Variants in GHR observed in about 807,000 individuals in gnomAD.
GHR encodes GH receptor.
In GHR, 35 loss-of-function variants were observed where a neutral mutation model predicts 67.1. That is an observed-to-expected ratio of 0.52 (90% CI 0.40 to 0.69). GHR has a LOEUF of 0.69. Among genes scored for constraint, GHR ranks in the 30% least tolerant of loss-of-function variants. The pLI is 0.00. For missense variants in GHR, 792 were observed against 764.6 expected (o/e 1.04, Z -0.42); for synonymous variants, 272 against 269.1 (o/e 1.01, Z -0.10).
chr5:42,627,837 A>AAAGGGTCTGCTAT (rs1258790924), intron 2 of GHR, among the ~76,000 whole-genome samples: 10 of 152,232 alleles, frequency 6.6e-5, no homozygotes, highest in African/African-American at 2.4e-4. Flanking sequence ...GCCTTATAGC[A>AAAGGGTCTGCTAT]AAGGCAGAGG....
intron 3 of GHR, chr5:42,646,192 AG>A: frequency 3.8e-6 from 1 of 264,764 alleles, no homozygotes; most frequent in Middle Eastern, 4.3e-4. Context: ...AGCAAGAGAG[AG>A]GTACACTGAA....
chr5:42,575,731 T>TAA (rs34968925), intron 2 of GHR, among the ~76,000 whole-genome samples: 2 of 139,362 alleles, frequency 1.4e-5, no homozygotes, highest in African/African-American at 5.3e-5. Flanking sequence ...AGCCTGCATG[T>TAA]AAAAAAAAAA....
At chr5:42,637,220 T>C (rs1754240414) in intron 3 of GHR, among the ~76,000 whole-genome samples, 1 of 152,060 alleles carries the variant, frequency 6.6e-6, no homozygotes, top group Admixed American at 6.5e-5. Flanking sequence ...AGAGCATAGG[T>C]CCACAAACCT....
chr5:42,462,711 T>TGA (rs1359327982), intron 1 of GHR, among the ~76,000 whole-genome samples: 1 of 152,032 alleles, frequency 6.6e-6, no homozygotes, highest in Non-Finnish European at 1.5e-5. Flanking sequence ...TGCTTTTGTG[T>TGA]GTGTGTGTGG....
chr5:42,711,374 T>C lies in GHR; in HGVS notation c.784+2T>C, dbSNP rs1284939419. ...TGAGCCAATTTACATGTGAAGAAGG[T>C]AAAAGAAATAAAAGATTAAAATAGT... On this transcript the variant is annotated splice_donor_variant, in intron 7 of 9. Transcript: ENST00000230882. LOFTEE classifies it high-confidence loss of function. 11 of 1,596,810 alleles carry C rather than the reference T, an allele frequency of 6.9e-6. No individual in the cohort carries two copies. The highest frequency in any genetic ancestry group is 9.4e-6 in the Non-Finnish European group (11 of 1,164,308).
At position 42,689,114 on chromosome 5, in the gene GHR, T is replaced by G. The variant is rs1159263272; in HGVS notation, c.266+95T>G. On this transcript the variant is annotated intron_variant, in intron 4 of 9. Transcript: ENST00000230882. ...TACTGTGGGAATGGAAGTGATTTGT[T>G]GTGATTTATGCAATCAATGAATATT... The G allele has an allele frequency of 4.7e-6, 5 of 1,070,798 alleles. No individual in the cohort carries two copies. In the South Asian group the frequency reaches 6.3e-5, roughly 13 times the overall value. The allele number at this position is 1,070,798 out of a possible 1,614,324, so 66.3% of individuals were successfully genotyped here. A position where few individuals can be genotyped will look rare whatever the true frequency, so the allele number is the denominator to read the frequency against.
At chr5:42,545,930 G>A (rs1377946165) in intron 1 of GHR, among the ~76,000 whole-genome samples, 1 of 152,134 alleles carries the variant, frequency 6.6e-6, no homozygotes, top group Non-Finnish European at 1.5e-5. Flanking sequence ...ACAAAGATGT[G>A]CATTTATGTG....
chr5:42,579,161 TA>T (rs1177705473), intron 2 of GHR, among the ~76,000 whole-genome samples: 2 of 116,534 alleles, frequency 1.7e-5, no homozygotes, highest in African/African-American at 3.3e-5. Context: ...TATAGATAGA[TA>T]GATAGATAGA....
chr5:42,586,726 C>A (rs11954102), intron 2 of GHR, among the ~76,000 whole-genome samples: 13,279 of 152,192 alleles, frequency 0.087, 845 homozygotes, highest in African/African-American at 0.17. Flanking sequence ...GCTCTTCCCC[C>A]ACCCTCACCA....
At chr5:42,573,298 T>G (rs1750439077) in intron 2 of GHR, among the ~76,000 whole-genome samples, 2 of 152,192 alleles carry the variant, frequency 1.3e-5, no homozygotes, top group South Asian at 4.1e-4. Context: ...GAAATAGCTG[T>G]GCCACTTTAG....
intron 2 of GHR, among the ~76,000 whole-genome samples, chr5:42,574,655 A>G (rs1388416851): frequency 6.6e-6 from 1 of 152,224 alleles, no homozygotes; most frequent in African/African-American, 2.4e-5. Flanking sequence ...TGCTAAAAAT[A>G]TATGTTCTTG....
At chr5:42,554,425 G>A (rs1749201534) in intron 1 of GHR, among the ~76,000 whole-genome samples, 1 of 152,080 alleles carries the variant, frequency 6.6e-6, no homozygotes, top group African/African-American at 2.4e-5. Flanking sequence ...GAGACGATCT[G>A]GAACACCCTA....
chr5:42,629,180 T>G, intron 3 of GHR, 77 bp downstream of exon 3: 2 of 815,766 alleles, frequency 2.5e-6, no homozygotes, highest in Non-Finnish European at 4.1e-6. Flanking sequence ...ATCCTTTCTC[T>G]ATTTTATTTG....
At chr5:42,492,943 T>A (rs1442085010) in intron 1 of GHR, among the ~76,000 whole-genome samples, 3 of 152,230 alleles carry the variant, frequency 2.0e-5, no homozygotes, top group Non-Finnish European at 4.4e-5. Flanking sequence ...TACAAGTATT[T>A]ACAGGGTGGA....
chr5:42,555,111 G>T (rs1354922948), intron 1 of GHR, among the ~76,000 whole-genome samples: 5 of 152,192 alleles, frequency 3.3e-5, no homozygotes, highest in African/African-American at 1.2e-4. Context: ...CAGCCAGTCA[G>T]TCTGGCCAAA....
rs1747636146 is a variant in GHR, at chr5:42,524,796, TC to T, written c.-11-41066del. Reference sequence around the variant, plus strand: ...ACTTGGTGCTCTATGTCCCACCTGCTCCAGCTGTGGCTGAAAAGGGCCAACA... The same window carrying T: ...ACTTGGTGCTCTATGTCCCACCTGCTCAGCTGTGGCTGAAAAGGGCCAACA... On this transcript the variant is annotated intron_variant, in intron 1 of 9. Transcript: ENST00000230882. Among the ~76,000 whole-genome samples, 3 of 152,162 alleles carry T rather than the reference TC, an allele frequency of 2.0e-5. No individual in the cohort carries two copies. In the South Asian group the frequency reaches 6.2e-4, roughly 32 times the overall value.
intron 3 of GHR, among the ~76,000 whole-genome samples, chr5:42,680,451 CTT>C (rs967383202): frequency 6.8e-6 from 1 of 146,858 alleles, no homozygotes; most frequent in African/African-American, 2.5e-5. Context: ...CTTTTTTTTT[CTT>C]TTTTTTTTAA....
intron 1 of GHR, among the ~76,000 whole-genome samples, chr5:42,522,144 G>A (rs1218828571): frequency 6.6e-6 from 1 of 152,088 alleles, no homozygotes; most frequent in African/African-American, 2.4e-5. Context: ...TTCTGTTAAA[G>A]GGACACAGAT....
At chr5:42,514,414 A>T (rs1274111448) in intron 1 of GHR, 1 of 664,850 alleles carries the variant, frequency 1.5e-6, no homozygotes, top group Non-Finnish European at 1.9e-6. Context: ...AGTTACTTAT[A>T]TCTGGGGCTA....
Sources: allele counts gnomAD v4.1 joint callset (sites outside exome capture counted in the v4.1 genomes callset), GRCh38; gene constraint gnomAD v4.1.1; transcripts MANE v1.5; gene names NCBI Gene and HGNC (gene_info 2026-07-23, HGNC 2026-07-21).